ERBB4: variants seen among roughly 807,000 people sequenced by gnomAD.
ERBB4 encodes the protein erb-b2 receptor tyrosine kinase 4.
Under a neutral mutation model 158.0 loss-of-function variants are expected in ERBB4, and 42 were observed. The ratio of observed to expected loss-of-function variants is 0.27; its 90% CI spans 0.21 to 0.34. ERBB4 has a LOEUF of 0.34. Ranked by LOEUF, ERBB4 falls within the 10% of genes least tolerant of loss-of-function variation. ERBB4 has a pLI of 1.00. For missense variants in ERBB4, 1,333 were observed against 1,624.1 expected, an observed-to-expected ratio of 0.82 and a Z score of 3.08; for synonymous variants, 583 against 558.7, an observed-to-expected ratio of 1.04 and a Z score of -0.61.
chr2:211,570,985 G>A (rs2067707638), intron 19 of ERBB4, among the ~76,000 whole-genome samples: 1 of 149,204 alleles, frequency 6.7e-6, no homozygotes, highest in African/African-American at 2.5e-5. Context: ...TTCTTTGGCT[G>A]ATATTAGCAC....
At chr2:211,813,824 G>A (rs1265830624) in intron 3 of ERBB4, among the ~76,000 whole-genome samples, 1 of 151,880 alleles carries the variant, frequency 6.6e-6, no homozygotes, top group Non-Finnish European at 1.5e-5. Flanking sequence ...ACCTTTAAAC[G>A]ACTCTCAAAA....
chr2:212,137,930 C>T (rs1287950398), intron 1 of ERBB4, among the ~76,000 whole-genome samples: 2 of 152,096 alleles, frequency 1.3e-5, no homozygotes, highest in South Asian at 2.1e-4. Flanking sequence ...TTCGTTTATT[C>T]GTTCTGTCAC....
At chr2:211,988,665 A>G (rs1037310900) in intron 2 of ERBB4, among the ~76,000 whole-genome samples, 1 of 152,028 alleles carries the variant, frequency 6.6e-6, no homozygotes, top group Non-Finnish European at 1.5e-5. Flanking sequence ...GAGCCCAGTT[A>G]ATGTTACATC....
intron 1 of ERBB4, among the ~76,000 whole-genome samples, chr2:212,337,497 C>A (rs983012176): frequency 5.9e-5 from 9 of 152,108 alleles, no homozygotes; most frequent in African/African-American, 2.2e-4. Context: ...AAACTGCTAG[C>A]TCAGACCCTC....
chr2:211,671,912 A>G (rs1186583591), intron 14 of ERBB4, among the ~76,000 whole-genome samples: 1 of 152,174 alleles, frequency 6.6e-6, no homozygotes, highest in African/African-American at 2.4e-5. Context: ...GAGAAAGAAA[A>G]TAGCTGCAAA....
chr2:211,947,688 A>G, intron 2 of ERBB4, 72 bp from the exon 3 acceptor site: 1 of 1,268,590 alleles, frequency 7.9e-7, no homozygotes, highest in South Asian at 1.3e-5. Context: ...AATTTAGATT[A>G]AAATGAGTTA....
chr2:211,625,491 C>T (rs2069808007), intron 17 of ERBB4, among the ~76,000 whole-genome samples: 1 of 152,176 alleles, frequency 6.6e-6, no homozygotes, highest in African/African-American at 2.4e-5. Flanking sequence ...CTTAGGTTAT[C>T]TTCAAACTCT....
At chr2:212,213,953 T>C (rs1379948197) in intron 1 of ERBB4, among the ~76,000 whole-genome samples, 2 of 151,798 alleles carry the variant, frequency 1.3e-5, no homozygotes, top group African/African-American at 4.8e-5. Flanking sequence ...TTATACAAAG[T>C]TGATTGACAC....
At chr2:212,434,296 T>C (rs1016332961) in intron 1 of ERBB4, among the ~76,000 whole-genome samples, 3 of 151,876 alleles carry the variant, frequency 2.0e-5, no homozygotes, top group African/African-American at 7.2e-5. Context: ...ACTGTTTGAA[T>C]TACAGAGCTG....
At chr2:211,441,481 G>A (rs1441329390) in intron 20 of ERBB4, among the ~76,000 whole-genome samples, 1 of 152,086 alleles carries the variant, frequency 6.6e-6, no homozygotes, top group Non-Finnish European at 1.5e-5. Flanking sequence ...CTGCCTCTAA[G>A]AAGCCTTTTG....
chr2:211,967,981 A>G (rs2081349993), intron 2 of ERBB4, among the ~76,000 whole-genome samples: 2 of 151,970 alleles, frequency 1.3e-5, no homozygotes, highest in South Asian at 2.1e-4. Flanking sequence ...GTATCAAACA[A>G]TTTTTATTGA....
At chr2:211,663,626 G>A (rs959026466) in intron 15 of ERBB4, among the ~76,000 whole-genome samples, 3 of 151,926 alleles carry the variant, frequency 2.0e-5, no homozygotes, top group African/African-American at 7.3e-5. Context: ...ATTTAAAAGG[G>A]CAGAGAGGAA....
chr2:212,234,789 A>C (rs1398303822), intron 1 of ERBB4, among the ~76,000 whole-genome samples: 2 of 152,060 alleles, frequency 1.3e-5, no homozygotes, highest in African/African-American at 4.8e-5. Context: ...CTTTTGAGAA[A>C]TGTCTGTTCG....
rs113218827 is a variant in ERBB4 at position 212,273,562 on chromosome 2, A to G, written c.83-148659T>C. Among the ~76,000 whole-genome samples the G allele has an allele frequency of 5.1e-3, 773 of 151,914 alleles. 4 individuals carry two copies. Among genetic ancestry groups the G allele is most frequent in the Middle Eastern group, 0.017 (5 of 294 alleles). On this transcript the variant is annotated intron_variant, in intron 1 of 27. Coordinates refer to ENST00000342788, the MANE Select transcript of ERBB4 (RefSeq NM_005235.3). ...CCGTACAATCACATTAGCAGGCCAG[A>G]ATATTATTACTCATATTTTAAAGAT...
chr2:212,327,728 C>CTTTTTTT (rs11413473), intron 1 of ERBB4, among the ~76,000 whole-genome samples: 1 of 133,372 alleles, frequency 7.5e-6, no homozygotes, highest in African/African-American at 2.8e-5. Context: ...TTCTTTTTTT[C>CTTTTTTT]TTTTTTTTTT....
intron 5 of ERBB4, among the ~76,000 whole-genome samples, chr2:211,745,749 A>AAAAT: frequency 6.9e-6 from 1 of 144,086 alleles, no homozygotes; most frequent in Admixed American, 7.0e-5. Flanking sequence ...AAAAACCCTT[A>AAAAT]GGTAAGTATA....
At chr2:212,220,266 C>G (rs1320736292) in intron 1 of ERBB4, among the ~76,000 whole-genome samples, 1 of 151,298 alleles carries the variant, frequency 6.6e-6, no homozygotes, top group African/African-American at 2.4e-5. Context: ...ATCACTTTCA[C>G]CTACTATATT....
chr2:212,191,796 ATG>A (rs1010207218), intron 1 of ERBB4, among the ~76,000 whole-genome samples: 2 of 145,924 alleles, frequency 1.4e-5, no homozygotes, highest in African/African-American at 5.0e-5. Context: ...TATGTTCTAT[ATG>A]TTATATATAA....
intron 1 of ERBB4, among the ~76,000 whole-genome samples, chr2:212,257,565 C>T (rs546604992): frequency 2.6e-5 from 4 of 152,074 alleles, no homozygotes; most frequent in African/African-American, 9.6e-5. Flanking sequence ...CAGCTTTTAT[C>T]CAAGAAATAA....
Sources: allele counts gnomAD v4.1 joint callset (sites outside exome capture counted in the v4.1 genomes callset), GRCh38; gene constraint gnomAD v4.1.1; transcripts MANE v1.5; gene names NCBI Gene and HGNC (gene_info 2026-07-23, HGNC 2026-07-21).